ANXA11: variants seen among roughly 807,000 people sequenced by gnomAD.
ANXA11 encodes annexin A11.
In ANXA11, 57 loss-of-function variants were observed where a neutral mutation model predicts 64.7. That is an observed-to-expected ratio of 0.88 (90% CI 0.71 to 1.10). ANXA11 has a LOEUF of 1.10. Among genes scored for constraint, ANXA11 ranks in the 50% least tolerant of loss-of-function variants. The pLI is 0.00. For missense variants in ANXA11, 675 were observed against 670.7 expected, an observed-to-expected ratio of 1.01 and a Z score of -0.07; for synonymous variants, 260 against 265.2, an observed-to-expected ratio of 0.98 and a Z score of 0.19.
Position 80,172,791 on chromosome 10 carries a change from C to T in ANXA11, c.55+16G>A. 1 of 1,613,522 alleles carries T rather than the reference C, an allele frequency of 6.2e-7. No homozygotes were observed. The highest frequency in any genetic ancestry group is 8.5e-7 in the Non-Finnish European group (1 of 1,179,516). ...GAGGCAGCATTCACTCTCCTCCCCA[C>T]CCCAGACCCTCTTACCTGGTGCAGC... On this transcript the variant is annotated intron_variant, in intron 3 of 15. Transcript: ENST00000422982.
chr10:80,190,054 C>T (rs1353495908), intron 1 of ANXA11, among the ~76,000 whole-genome samples: 5 of 152,208 alleles, frequency 3.3e-5, no homozygotes, highest in Non-Finnish European at 5.9e-5. Context: ...TATGAAGTCT[C>T]CAAAGGAGTC....
chr10:80,175,062 C>T (rs1189809331), intron 2 of ANXA11, among the ~76,000 whole-genome samples: 5 of 152,122 alleles, frequency 3.3e-5, no homozygotes, highest in Non-Finnish European at 7.4e-5. Context: ...TTGCAGTTTT[C>T]GGTCTCTCTG....
chr10:80,155,631 G>A lies in ANXA11; in HGVS notation c.*222C>T. ...TGAAACATCTATTTTAGCAGCAAGAGGCTGTGAGGGATGGGGTAGAAAAGG... is the reference window on the plus strand; with the variant it reads ...TGAAACATCTATTTTAGCAGCAAGAAGCTGTGAGGGATGGGGTAGAAAAGG... On this transcript the variant is annotated 3_prime_UTR_variant, in exon 16 of 16. Coordinates refer to ENST00000422982, the MANE Select transcript of ANXA11 (RefSeq NM_145868.2). 1 of 530,844 alleles carries A rather than the reference G, an allele frequency of 1.9e-6. No homozygotes were observed. The highest frequency in any genetic ancestry group is 3.3e-6 in the Non-Finnish European group (1 of 300,414). The allele number at this position is 530,844 out of a possible 1,614,324, so 32.9% of individuals were successfully genotyped here. A position where few individuals can be genotyped will look rare whatever the true frequency, so the allele number is the denominator to read the frequency against.
In ANXA11 at chr10:80,169,366, G is replaced by T. The variant is rs1845885920; in HGVS notation, c.172-8C>A. ...CCCAGACATGTTGGCCGCCTGCAAG[G>T]ACACAAAGCAGAGCCTGAGGCCAAT... On this transcript the variant is annotated splice_region_variant and splice_polypyrimidine_tract_variant and intron_variant, in intron 4 of 15. Transcript: ENST00000422982. 6.2e-7 allele frequency: 1 copy of T among 1,602,840 alleles called. No individual in the cohort carries two copies. Among genetic ancestry groups the T allele is most frequent in the Non-Finnish European group, 8.5e-7 (1 of 1,179,712 alleles).
chr10:80,167,394 G>A (rs145453139), intron 5 of ANXA11, 81 bp from the exon 6 acceptor site: 1 of 1,258,678 alleles, frequency 7.9e-7, no homozygotes, highest in African/African-American at 1.5e-5. Context: ...CCTAGACTCT[G>A]GGAACAGCCC....
intron 1 of ANXA11, among the ~76,000 whole-genome samples, chr10:80,202,478 T>C (rs1028647122): frequency 6.6e-5 from 10 of 152,306 alleles, no homozygotes; most frequent in East Asian, 1.9e-4. Flanking sequence ...CAGAGTTCCA[T>C]TGAATTGCAA....
intron 1 of ANXA11, among the ~76,000 whole-genome samples, chr10:80,196,647 C>T (rs887645546): frequency 1.3e-5 from 2 of 152,186 alleles, no homozygotes; most frequent in Non-Finnish European, 2.9e-5. Context: ...ATGTCCTGCC[C>T]TTGCTGGTCA....
chr10:80,177,668 T>A (rs534078784), intron 1 of ANXA11, among the ~76,000 whole-genome samples: 18 of 152,146 alleles, frequency 1.2e-4, no homozygotes, highest in Non-Finnish European at 2.2e-4. Context: ...ACACTAGGCA[T>A]CATGTGGGTG....
At chr10:80,161,563 C>T (rs1041194137) in intron 12 of ANXA11, among the ~76,000 whole-genome samples, 23 of 152,380 alleles carry the variant, frequency 1.5e-4, no homozygotes, top group African/African-American at 5.0e-4. Flanking sequence ...CATGCGGGAG[C>T]GCGATTTACA....
intron 12 of ANXA11, among the ~76,000 whole-genome samples, chr10:80,161,315 A>C (rs1291867371): frequency 6.6e-6 from 1 of 152,046 alleles, no homozygotes; most frequent in African/African-American, 2.4e-5. Flanking sequence ...TTTTAAATCA[A>C]ATGTCACGAC....
At chr10:80,187,100 A>C (rs34162901) in intron 1 of ANXA11, among the ~76,000 whole-genome samples, 17,225 of 152,278 alleles carry the variant, frequency 0.11, 1,195 homozygotes, top group South Asian at 0.24. Context: ...ACACAGTGGC[A>C]GTGACAGAAA....
At chr10:80,165,963 G>A (rs1045768993) in intron 8 of ANXA11, 121 bp downstream of exon 8, 24 of 551,528 alleles carry the variant, frequency 4.4e-5, no homozygotes, top group African/African-American at 2.1e-4. Flanking sequence ...GCTAATGAGT[G>A]GGCTAGAACA....
chr10:80,204,677 G>A (rs1840594386), intron 1 of ANXA11: 1 of 152,260 alleles, frequency 6.6e-6, no homozygotes, highest in Non-Finnish European at 1.5e-5. Context: ...TTTTACCTAA[G>A]TCTTAAGGGC....
chr10:80,169,151 G>T lies in ANXA11; in HGVS notation c.379C>A (p.Pro127Thr), dbSNP rs1224351679. The part of the protein sequence containing the change: ...MPSYPPYPGA[P>T]VPGQPMPPPG... ...GGTGGCATGGGCTGGCCCGGCACAG[G>T]GGCCCCTGGGTATGGCGGATATGAG... The change falls in exon 5 of 16, where the codon CCT becomes ACT. Residue 127 changes from proline to threonine, a missense_variant. Coordinates refer to ENST00000422982, the MANE Select transcript of ANXA11 (RefSeq NM_145868.2). 2 of 1,561,986 alleles carry T rather than the reference G, an allele frequency of 1.3e-6. No homozygotes were observed. Among genetic ancestry groups the T allele is most frequent in the Non-Finnish European group, 1.7e-6 (2 of 1,159,026 alleles).
intron 8 of ANXA11, among the ~76,000 whole-genome samples, chr10:80,165,718 CAG>C (rs1564605848): frequency 6.6e-6 from 1 of 152,140 alleles, no homozygotes; most frequent in East Asian, 1.9e-4. Context: ...TTGCTAGTAA[CAG>C]AGTCCTAAAG....
At chr10:80,197,846 C>T (rs915164988) in intron 1 of ANXA11, among the ~76,000 whole-genome samples, 4 of 152,012 alleles carry the variant, frequency 2.6e-5, no homozygotes, top group Admixed American at 2.6e-4. Context: ...ATGGCGTGAA[C>T]CCAGGAGGCA....
Position 80,166,901 on chromosome 10 carries a change from C to A in ANXA11, c.733G>T (p.Ala245Ser), listed in dbSNP as rs1384337018. Residue 245 changes from alanine (A) to serine (S), a missense_variant, in exon 7 of 16, where the codon GCT (alanine) becomes TCT (serine). Coordinates refer to ENST00000422982, the MANE Select transcript of ANXA11 (RefSeq NM_145868.2). Reference protein sequence around the residue: ...RQQILLSFKTAYGKDLIKDLK... With the variant: ...RQQILLSFKTSYGKDLIKDLK... Reference sequence around the variant, plus strand: ...ACCCCGCAGCTCGCCTTGCCGTAAGCCGTCTTGAAGGAAAGTAGGATCTGC... The same window carrying A: ...ACCCCGCAGCTCGCCTTGCCGTAAGACGTCTTGAAGGAAAGTAGGATCTGC... The A allele has an allele frequency of 9.3e-6, 15 of 1,606,354 alleles. No individual in the cohort carries two copies. Among genetic ancestry groups the A allele is most frequent in the African/African-American group, 1.3e-5 (1 of 74,758 alleles).
At chr10:80,203,452 C>T (rs1406563566) in intron 1 of ANXA11, among the ~76,000 whole-genome samples, 1 of 152,152 alleles carries the variant, frequency 6.6e-6, no homozygotes, top group Non-Finnish European at 1.5e-5. Context: ...GTTTCTCTAT[C>T]CAAACCCAGC....
At chr10:80,173,050 C>T (rs1846041264) in intron 2 of ANXA11, 181 bp from the exon 3 acceptor site, 4 of 573,380 alleles carry the variant, frequency 7.0e-6, no homozygotes, top group Non-Finnish European at 1.2e-5. Context: ...CAGCTAGAAA[C>T]AGTACCCACC....
Sources: allele counts gnomAD v4.1 joint callset (sites outside exome capture counted in the v4.1 genomes callset), GRCh38; gene constraint gnomAD v4.1.1; transcripts MANE v1.5; gene names NCBI Gene and HGNC (gene_info 2026-07-23, HGNC 2026-07-21).